ATRN: variants seen among roughly 807,000 people sequenced by gnomAD.
ATRN encodes attractin.
ATRN carries 54 observed loss-of-function variants against 178.7 expected under a neutral mutation model. The observed-to-expected ratio is 0.30, with a 90% CI of 0.24 to 0.38. The LOEUF is 0.38. ATRN is among the 10% of genes least tolerant of loss of function. The pLI, the probability that ATRN is intolerant of heterozygous loss-of-function variation, is 1.00. For missense variants in ATRN, 1,443 were observed against 1,815.1 expected (o/e 0.79, Z 3.73); for synonymous variants, 636 against 663.0 (o/e 0.96, Z 0.63).
chr20:3,552,252 A>T (rs1293182302), intron 6 of ATRN, among the ~76,000 whole-genome samples: 1 of 152,148 alleles, frequency 6.6e-6, no homozygotes, highest in Non-Finnish European at 1.5e-5. Flanking sequence ...GACCTCATAT[A>T]GTATCTTGGC....
intron 12 of ATRN, 25 bp downstream of exon 12, chr20:3,572,976 A>G (rs2086149323): frequency 1.3e-6 from 2 of 1,589,826 alleles, no homozygotes; most frequent in East Asian, 2.3e-5. Flanking sequence ...CTCTACTTAG[A>G]TTTTAATGAA....
rs2086017129 is a variant in ATRN at position 3,565,354 on chromosome 20, A to G, written c.1793A>G (p.Asp598Gly). The change falls in exon 11 of 29, where the codon GAC becomes GGC. Residue 598 changes from aspartate (D) to glycine (G), a missense_variant. By Grantham distance (94) the Asp-to-Gly change is moderately conservative (BLOSUM62 -1). This residue lies in a region of ATRN where 862 missense variants were observed against 972.1 expected (regional missense o/e 0.89). Transcript: ENST00000262919. Reference sequence around the variant, plus strand: ...ATATTTTTCTTTCTCCTAGCCTGTGACCGCTGGTCAGTGCTTCCCAGACCT... The same window carrying G: ...ATATTTTTCTTTCTCCTAGCCTGTGGCCGCTGGTCAGTGCTTCCCAGACCT... ...SDFMAYDIAC[D>G]RWSVLPRPDL... 1 of 1,613,578 alleles carries G rather than the reference A, an allele frequency of 6.2e-7. No individual in the cohort carries two copies. The highest frequency in any genetic ancestry group is 8.5e-7 in the Non-Finnish European group (1 of 1,179,766).
Position 3,565,296 on chromosome 20 carries a change from C to T in ATRN, c.1787-52C>T, listed in dbSNP as rs1366406042. 4 of 1,398,462 alleles carry T rather than the reference C, an allele frequency of 2.9e-6. No individual in the cohort carries two copies. The African/African-American group carries it at 4.3e-5, about 15-fold the overall frequency. The allele number at this position is 1,398,462 out of a possible 1,614,324, so 86.6% of individuals were successfully genotyped here. On this transcript the variant is annotated intron_variant, in intron 10 of 28. Coordinates refer to ENST00000262919, the MANE Select transcript of ATRN (RefSeq NM_139321.3). ...TTTTTCCCAAAGAAAATGTCAGGTC[C>T]TGTTGATTAGAAATGGTAGTCCGTT...
At chr20:3,629,808 A>G (rs1361361889) in intron 25 of ATRN, among the ~76,000 whole-genome samples, 3 of 152,196 alleles carry the variant, frequency 2.0e-5, no homozygotes, top group African/African-American at 4.8e-5. Flanking sequence ...GGAACCGCCA[A>G]ATGGAAGACA....
At chr20:3,499,518 G>C (rs2084927042) in intron 1 of ATRN, among the ~76,000 whole-genome samples, 1 of 151,572 alleles carries the variant, frequency 6.6e-6, no homozygotes, top group Non-Finnish European at 1.5e-5. Context: ...AGAGCCCTCA[G>C]AAATAACACC....
In ATRN at chr20:3,471,215, C is replaced by A; in HGVS notation, c.108C>A (p.Thr36=). ...GGCCGCACTGGGACTGGGACGTGAC[C>A]AGGGCTGGGAGGCCGGGGCTGGGGG... The part of the protein sequence containing the change: ...SGGPHWDWDV[T]RAGRPGLGAG... The change falls in exon 1 of 29, where the codon ACC becomes ACA. Residue 36 remains threonine, a synonymous_variant. Transcript: ENST00000262919. 6.7e-7 allele frequency: 1 copy of A among 1,484,820 alleles called. No individual in the cohort carries two copies. Among genetic ancestry groups the A allele is most frequent in the Admixed American group, 2.2e-5 (1 of 44,982 alleles). The allele number at this position is 1,484,820 out of a possible 1,614,324, so 92.0% of individuals were successfully genotyped here. A position where few individuals can be genotyped will look rare whatever the true frequency, so the allele number is the denominator to read the frequency against.
At chr20:3,557,517 T>A (rs975637243) in intron 6 of ATRN, among the ~76,000 whole-genome samples, 1 of 152,094 alleles carries the variant, frequency 6.6e-6, no homozygotes, top group Non-Finnish European at 1.5e-5. Context: ...AGGGAAAGAG[T>A]ACTATGAGCT....
At chr20:3,516,135 T>A (rs1176574822) in intron 1 of ATRN, among the ~76,000 whole-genome samples, 1 of 152,086 alleles carries the variant, frequency 6.6e-6, no homozygotes, top group Non-Finnish European at 1.5e-5. Context: ...TCAGCTAAAA[T>A]TGAAGAGAGG....
At chr20:3,544,827 T>A (rs1246179084) in intron 3 of ATRN, among the ~76,000 whole-genome samples, 1 of 71,640 alleles carries the variant, frequency 1.4e-5, no homozygotes, top group Non-Finnish European at 3.2e-5. Context: ...CTCAGTAAGG[T>A]TTTTTTTTTT....
At chr20:3,634,432 T>C (rs766894265) in intron 26 of ATRN, 43 bp downstream of exon 26, 31 of 1,545,046 alleles carry the variant, frequency 2.0e-5, no homozygotes, top group Middle Eastern at 3.4e-4. Flanking sequence ...CTGGAAGAGC[T>C]TTTTTTCCTT....
At chr20:3,512,107 A>ATATATATATTTTTTT in intron 1 of ATRN, among the ~76,000 whole-genome samples, 5 of 106,400 alleles carry the variant, frequency 4.7e-5, no homozygotes, top group African/African-American at 1.3e-4. Context: ...ATATATATAT[A>ATATATATATTTTTTT]TTTTTTTTTT....
chr20:3,628,680 G>A (rs1462575217), intron 25 of ATRN, among the ~76,000 whole-genome samples: 2 of 151,878 alleles, frequency 1.3e-5, no homozygotes, highest in African/African-American at 4.8e-5. Context: ...GGGAGGCTGG[G>A]AATGTAACCC....
chr20:3,554,302 G>GATTT (rs1248121282), intron 6 of ATRN, among the ~76,000 whole-genome samples: 2 of 113,254 alleles, frequency 1.8e-5, no homozygotes, highest in South Asian at 3.3e-4. Flanking sequence ...TTAGATTACA[G>GATTT]ATTTTTATTT....
At chr20:3,593,735 C>T (rs2086485252) in intron 19 of ATRN, among the ~76,000 whole-genome samples, 1 of 152,190 alleles carries the variant, frequency 6.6e-6, no homozygotes, top group African/African-American at 2.4e-5. Flanking sequence ...TACCTCTCTC[C>T]AGCTGAATGC....
At chr20:3,568,172 TC>T (rs2086064972) in intron 11 of ATRN, among the ~76,000 whole-genome samples, 1 of 151,544 alleles carries the variant, frequency 6.6e-6, no homozygotes, top group African/African-American at 2.4e-5. Context: ...GCGCATGTAG[TC>T]CCAGCTTCTC....
At chr20:3,522,015 C>G (rs1194079510) in intron 1 of ATRN, among the ~76,000 whole-genome samples, 6 of 151,710 alleles carry the variant, frequency 4.0e-5, no homozygotes, top group African/African-American at 1.5e-4. Flanking sequence ...GTCTTAAATT[C>G]CTGGCCTCAA....
intron 1 of ATRN, 74 bp from the exon 2 acceptor site, chr20:3,535,179 A>G (rs2146179349): frequency 3.6e-6 from 2 of 558,896 alleles, no homozygotes; most frequent in South Asian, 9.5e-5. Context: ...AATATATGAA[A>G]ATATATAAAA....
At chr20:3,541,076 A>ATTTTTTTTTTTTTTTTT (rs1331876349) in intron 3 of ATRN, among the ~76,000 whole-genome samples, 1 of 119,046 alleles carries the variant, frequency 8.4e-6, no homozygotes, top group Non-Finnish European at 1.8e-5. Context: ...ATGATAGAGG[A>ATTTTTTTTTTTTTTTTT]TTTTTTTTTT....
chr20:3,509,891 A>G lies in ATRN; in HGVS notation c.411-25362A>G, dbSNP rs1600054955. Among the ~76,000 whole-genome samples, 3 of 152,156 alleles carry G rather than the reference A, an allele frequency of 2.0e-5. No individual in the cohort carries two copies. The East Asian group carries it at 5.8e-4, about 29-fold the overall frequency. ...AAAGCACAACTTTGTATTCTACCCA[A>G]ATTCATTGTTAACATCTCACTACAT... is the stretch of plus-strand genomic sequence containing the variant. On this transcript the variant is annotated intron_variant, in intron 1 of 28. Transcript: ENST00000262919.
Sources: allele counts gnomAD v4.1 joint callset (sites outside exome capture counted in the v4.1 genomes callset), GRCh38; gene constraint gnomAD v4.1.1; regional missense constraint gnomAD v4.1.1; transcripts MANE v1.5; gene names NCBI Gene and HGNC (gene_info 2026-07-23, HGNC 2026-07-21).